The following COL28A1 variants were observed in gnomAD, a reference collection of about 807,000 sequenced individuals.
The protein encoded by COL28A1 is collagen alpha-1(XXVIII) chain.
A neutral mutation model predicts 150.2 loss-of-function variants in COL28A1; 161 were observed. The ratio of observed to expected loss-of-function variants is 1.07; its 90% CI spans 0.94 to 1.22. The LOEUF (loss-of-function observed/expected upper bound fraction) is 1.22. Among genes scored for constraint, COL28A1 ranks in the 50% most tolerant of loss-of-function variants. The pLI, the probability that COL28A1 is intolerant of heterozygous loss-of-function variation, is 0.00. For synonymous variants in COL28A1, 552 were observed against 469.7 expected (o/e 1.18, Z -2.26); for missense variants, 1,617 against 1,388.3 (o/e 1.16, Z -2.62).
chr7:7,543,533 A>G, the COL28A1 span, among the ~76,000 whole-genome samples: 1 of 152,228 alleles, frequency 6.6e-6, no homozygotes, highest in Non-Finnish European at 1.5e-5. Flanking sequence ...TATTGTGTAA[A>G]AAGTCCTACT....
At chr7:7,431,218 T>C (rs1417240195) in intron 25 of COL28A1, 2 of 160,070 alleles carry the variant, frequency 1.2e-5, no homozygotes, top group African/African-American at 4.8e-5. Context: ...AAATTCTCCC[T>C]TTAGGGTAAT....
At chr7:7,451,660 T>C (rs1332132619) in intron 18 of COL28A1, among the ~76,000 whole-genome samples, 1 of 152,148 alleles carries the variant, frequency 6.6e-6, no homozygotes, top group Non-Finnish European at 1.5e-5. Context: ...ATATATAACA[T>C]AATATGTTTG....
chr7:7,392,472 G>C (rs1230342770), intron 27 of COL28A1, among the ~76,000 whole-genome samples: 1 of 152,000 alleles, frequency 6.6e-6, no homozygotes, highest in Non-Finnish European at 1.5e-5. Flanking sequence ...TCTTCTCGAG[G>C]AGTATCTTTG....
At chr7:7,408,561 C>G (rs954073764) in intron 27 of COL28A1, among the ~76,000 whole-genome samples, 2 of 152,120 alleles carry the variant, frequency 1.3e-5, no homozygotes, top group African/African-American at 4.8e-5. Flanking sequence ...ACCAGTCAAA[C>G]AGGAAAGAAC....
chr7:7,366,171 G>A (rs1268793302), intron 33 of COL28A1, among the ~76,000 whole-genome samples: 3 of 152,120 alleles, frequency 2.0e-5, no homozygotes, highest in Admixed American at 2.0e-4. Context: ...TTACAGATGA[G>A]AAAACTGAGA....
intron 25 of COL28A1, chr7:7,431,667 G>T (rs2128313899): frequency 2.1e-6 from 1 of 470,378 alleles, no homozygotes; most frequent in African/African-American, 2.0e-5. Flanking sequence ...AGCCACCAGG[G>T]TGTTTCTAGG....
chr7:7,417,979 G>A (rs1362624808), intron 26 of COL28A1, 52 bp from the exon 27 acceptor site: 2 of 1,465,892 alleles, frequency 1.4e-6, no homozygotes, highest in Non-Finnish European at 1.9e-6. Context: ...GATCGAAGAA[G>A]AAACAACGTT....
At chr7:7,427,224 C>T (rs1784694379) in intron 25 of COL28A1, among the ~76,000 whole-genome samples, 1 of 152,164 alleles carries the variant, frequency 6.6e-6, no homozygotes, top group African/African-American at 2.4e-5. Flanking sequence ...GTCACCTTTT[C>T]CTGGTCTTGG....
intron 21 of COL28A1, among the ~76,000 whole-genome samples, chr7:7,440,384 G>A (rs1413161731): frequency 6.6e-6 from 1 of 152,222 alleles, no homozygotes; most frequent in Non-Finnish European, 1.5e-5. Flanking sequence ...TCATGGCACA[G>A]GAGGATGCAA....
At chr7:7,493,417 G>A (rs1287142842) in intron 11 of COL28A1, among the ~76,000 whole-genome samples, 1 of 152,100 alleles carries the variant, frequency 6.6e-6, no homozygotes, top group Non-Finnish European at 1.5e-5. Flanking sequence ...CTCTTACCTT[G>A]AGCCCATGAA....
chr7:7,493,166 A>T (rs748120748), intron 11 of COL28A1, among the ~76,000 whole-genome samples: 2 of 151,676 alleles, frequency 1.3e-5, no homozygotes, highest in Non-Finnish European at 2.9e-5. Flanking sequence ...AAATTCACTT[A>T]TTCTATTCAT....
chr7:7,386,566 A>G (rs1782196994), intron 27 of COL28A1, among the ~76,000 whole-genome samples: 1 of 152,208 alleles, frequency 6.6e-6, no homozygotes, highest in Non-Finnish European at 1.5e-5. Context: ...ATGTTATACA[A>G]GCTGGTGAGA....
chr7:7,449,753 T>A (rs188765420), intron 18 of COL28A1, among the ~76,000 whole-genome samples: 1,614 of 151,830 alleles, frequency 0.011, 13 homozygotes, highest in Middle Eastern at 0.02. Context: ...AGAAAAAAAA[T>A]TCACAATTAT....
At chr7:7,383,049 C>G (rs900584691) in intron 27 of COL28A1, among the ~76,000 whole-genome samples, 1 of 151,890 alleles carries the variant, frequency 6.6e-6, no homozygotes, top group Admixed American at 6.6e-5. Context: ...TGAAATATTT[C>G]AAAACAAAAA....
chr7:7,438,175 C>T, intron 21 of COL28A1, among the ~76,000 whole-genome samples: 1 of 151,992 alleles, frequency 6.6e-6, no homozygotes, highest in Admixed American at 6.5e-5. Context: ...TCACTCAAAC[C>T]CTGGACGCAG....
intron 11 of COL28A1, among the ~76,000 whole-genome samples, chr7:7,502,647 CA>C (rs1214792509): frequency 2.0e-5 from 3 of 151,572 alleles, no homozygotes; most frequent in Non-Finnish European, 4.4e-5. Context: ...TTTGAAAATG[CA>C]CAATTAGCAT....
chr7:7,519,482 T>A (rs1781594580), intron 6 of COL28A1, among the ~76,000 whole-genome samples: 1 of 152,344 alleles, frequency 6.6e-6, no homozygotes, highest in South Asian at 2.1e-4. Flanking sequence ...CATAGTTATA[T>A]CTACTTTTCT....
chr7:7,422,212 G>T (rs552048342), intron 25 of COL28A1, among the ~76,000 whole-genome samples: 1 of 152,068 alleles, frequency 6.6e-6, no homozygotes, highest in Admixed American at 6.5e-5. Flanking sequence ...CAAAATCATC[G>T]AAAGTTTCAT....
intron 27 of COL28A1, among the ~76,000 whole-genome samples, chr7:7,384,378 T>C (rs951890601): frequency 3.3e-5 from 5 of 152,198 alleles, no homozygotes; most frequent in African/African-American, 9.7e-5. Context: ...AAAGTCAGAA[T>C]AGAATACAGT....
Sources: gnomAD v4.1 joint callset for allele counts (sites outside exome capture counted in the v4.1 genomes callset) on GRCh38, gnomAD v4.1.1 for gene constraint, MANE v1.5 for transcripts, NCBI Gene and HGNC (gene_info 2026-07-23, HGNC 2026-07-21) for gene names.